Variants in IFI27 observed in about 807,000 individuals in gnomAD.
IFI27 encodes the protein interferon alpha inducible protein 27, also known as interferon alpha-inducible protein 27, mitochondrial.
Under a neutral mutation model 8.9 loss-of-function variants are expected in IFI27, and 3 were observed. The observed-to-expected ratio is 0.34, with a 90% CI of 0.15 to 0.87. The LOEUF is 0.87. Among genes scored for constraint, IFI27 ranks in the 40% least tolerant of loss-of-function variants. The probability of loss-of-function intolerance (pLI) is 0.51; values close to 1 mark genes in which losing one functional copy is unlikely to be tolerated. For synonymous variants in IFI27, 66 were observed against 67.3 expected (o/e 0.98, Z 0.09); for missense variants, 152 against 157.7 (o/e 0.96, Z 0.19).
chr14:94,109,721 G>A (rs558007583), upstream of IFI27, among the ~76,000 whole-genome samples: 5 of 152,224 alleles, frequency 3.3e-5, no homozygotes, highest in Admixed American at 6.5e-5. Flanking sequence ...CTCATCTTGC[G>A]TGAGAGCCCT....
Position 94,116,647 on chromosome 14 carries a change from T to C in IFI27, c.*120T>C. ...ACCTGGGGTGAAATATACCAAATTCTGCATCTCCAGAGGAAAATAAGAAAT... is the reference window on the plus strand; with the variant it reads ...ACCTGGGGTGAAATATACCAAATTCCGCATCTCCAGAGGAAAATAAGAAAT... On this transcript the variant is annotated 3_prime_UTR_variant, in exon 5 of 5. Coordinates refer to ENST00000621160, the Ensembl canonical transcript of IFI27. This position sits in a 1 kb window ranked among gnomAD's most constrained non-coding sequence, Gnocchi z 4.3. 1 of 697,790 alleles carries C rather than the reference T, an allele frequency of 1.4e-6. No homozygotes were observed. The highest frequency in any genetic ancestry group is 2.7e-5 in the East Asian group (1 of 36,928). 43.2% of individuals were successfully genotyped at this position (697,790 alleles called of 1,614,324 possible).
upstream of IFI27, chr14:94,105,895 T>A (rs542166121): frequency 2.0e-5 from 3 of 152,340 alleles, no homozygotes; most frequent in Admixed American, 1.3e-4. Context: ...TCGGCTATTG[T>A]GCATAGTGCT....
In IFI27 at chr14:94,116,563, G is replaced by C; in HGVS notation, c.*36G>C. The C allele has an allele frequency of 1.9e-6, 3 of 1,551,764 alleles. No individual in the cohort carries two copies. Among genetic ancestry groups the C allele is most frequent in the Non-Finnish European group, 2.7e-6 (3 of 1,131,134 alleles). Reference sequence around the variant, plus strand: ...CTCGCCCTGCAGAGAAGAGAACCATGCCAGGGGAGAAGGCACCCAGCCATC... The same window carrying C: ...CTCGCCCTGCAGAGAAGAGAACCATCCCAGGGGAGAAGGCACCCAGCCATC... On this transcript the variant is annotated 3_prime_UTR_variant, in exon 5 of 5. Coordinates refer to ENST00000621160, the Ensembl canonical transcript of IFI27. This position sits in a 1 kb window ranked among gnomAD's most constrained non-coding sequence, Gnocchi z 4.3.
intron 2 of IFI27, chr14:94,114,525 T>G (rs1887314066): frequency 7.8e-6 from 3 of 383,282 alleles, no homozygotes. Flanking sequence ...ATTTTCATTC[T>G]GCTTTTTGTT....
At chr14:94,106,847 A>C (rs1887020997), upstream of IFI27, among the ~76,000 whole-genome samples, 1 of 152,080 alleles carries the variant, frequency 6.6e-6, no homozygotes, top group African/African-American at 2.4e-5. Flanking sequence ...CTGCAGTCAG[A>C]TCTTGCGGGA....
upstream of IFI27, among the ~76,000 whole-genome samples, chr14:94,110,485 C>T (rs558747191): frequency 1.1e-4 from 16 of 152,256 alleles, no homozygotes; most frequent in Middle Eastern, 0.014. Context: ...CTTCATTCTG[C>T]GTAGAGCACA....
chr14:94,115,414 T>C, intron 3 of IFI27: 1 of 555,494 alleles, frequency 1.8e-6, no homozygotes, highest in Non-Finnish European at 3.4e-6. Flanking sequence ...CTGGGCAACA[T>C]CTGCTCCCCT....
chr14:94,112,107 C>T (rs1429753256), intron 2 of IFI27: 2 of 421,992 alleles, frequency 4.7e-6, no homozygotes, highest in Non-Finnish European at 8.8e-6. Context: ...CAGAATTCAT[C>T]TCCTTTAGGA....
chr14:94,114,868 G>A, exon 3 of IFI27: 1 of 1,614,230 alleles, frequency 6.2e-7, no homozygotes, highest in Non-Finnish European at 8.5e-7. Context: ...TGCTACAGTT[G>A]TGATTGGAGG....
chr14:94,105,921 A>G (rs1370030684), upstream of IFI27: 2 of 152,232 alleles, frequency 1.3e-5, no homozygotes, highest in African/African-American at 2.4e-5. Flanking sequence ...GTACGTGGGT[A>G]TGCAAATATC....
chr14:94,109,356 G>GGAAGGGCAGA (rs1419633546), upstream of IFI27, among the ~76,000 whole-genome samples: 45 of 151,328 alleles, frequency 3.0e-4, 1 homozygote, highest in Middle Eastern at 3.4e-3. Context: ...GGAAGGGCAG[G>GGAAGGGCAGA]GAAGGGCAGA....
At chr14:94,108,326 A>G (rs1887039572), upstream of IFI27, among the ~76,000 whole-genome samples, 1 of 152,212 alleles carries the variant, frequency 6.6e-6, no homozygotes, top group Non-Finnish European at 1.5e-5. Flanking sequence ...TATAGTAGCC[A>G]TTCTAACAGG....
chr14:94,116,500 T>G lies in IFI27; in HGVS notation c.342T>G (p.Ile114Met). The G allele has an allele frequency of 6.2e-7, 1 of 1,613,432 alleles. No individual in the cohort carries two copies. Residue 114 changes from isoleucine to methionine, a missense_variant, in exon 5 of 5, where the codon ATT becomes ATG. By Grantham distance (10) the Ile-to-Met change is conservative. Transcript: ENST00000621160. The surrounding 1 kb of genome is among the most constrained non-coding windows in gnomAD (Gnocchi z 4.3). Reference sequence around the variant, plus strand: ...TCCTGGGCTCCATTGGGTCTGCCATTGCGGCTGTCATTGCGAGGTTCTACT... The same window carrying G: ...TCCTGGGCTCCATTGGGTCTGCCATGGCGGCTGTCATTGCGAGGTTCTACT...
exon 1 of IFI27, chr14:94,110,762 G>C (rs1202002900): frequency 6.6e-6 from 1 of 152,354 alleles, no homozygotes; most frequent in Non-Finnish European, 1.5e-5. Context: ...AGACGGTGAG[G>C]TCAGCTTCAC....
At position 94,116,161 on chromosome 14, in the gene IFI27, C is replaced by T. The variant is rs1887401154; in HGVS notation, c.283+219C>T. The T allele has an allele frequency of 1.4e-6, 1 of 726,488 alleles. No individual in the cohort carries two copies. 45.0% of individuals were successfully genotyped at this position (726,488 alleles called of 1,614,324 possible). On this transcript the variant is annotated intron_variant, in intron 4 of 4. Coordinates refer to ENST00000621160, the Ensembl canonical transcript of IFI27. The surrounding 1 kb of genome is among the most constrained non-coding windows in gnomAD (Gnocchi z 4.3). ...GAAGACTCAGCCCGAAGCAGATTTGCTGGGTTACCTGGGGCGTCTCCTCCC... is the reference window on the plus strand; with the variant it reads ...GAAGACTCAGCCCGAAGCAGATTTGTTGGGTTACCTGGGGCGTCTCCTCCC...
chr14:94,111,852 G>A lies in IFI27; in HGVS notation c.91+79G>A. 2 of 1,106,610 alleles carry A rather than the reference G, an allele frequency of 1.8e-6. No individual in the cohort carries two copies. 68.5% of individuals were successfully genotyped at this position (1,106,610 alleles called of 1,614,324 possible). A position where few individuals can be genotyped will look rare whatever the true frequency, so the allele number is the denominator to read the frequency against. On this transcript the variant is annotated intron_variant, in intron 2 of 4. Coordinates refer to ENST00000621160, the Ensembl canonical transcript of IFI27. The surrounding 1 kb of genome is among the most constrained non-coding windows in gnomAD (Gnocchi z 4.3). ...GCGGGGGTCCTGTCCCGGGACCCGT[G>A]GGAGAGAAAATGGGGGACACCCGCA...
upstream of IFI27, among the ~76,000 whole-genome samples, chr14:94,109,207 A>G (rs549063180): frequency 3.3e-5 from 5 of 151,974 alleles, no homozygotes; most frequent in South Asian, 1.0e-3. Context: ...AGGCAGGAGA[A>G]TCACTTGAAT....
At chr14:94,107,579 TAGAAG>T (rs1887032388), upstream of IFI27, among the ~76,000 whole-genome samples, 1 of 152,238 alleles carries the variant, frequency 6.6e-6, no homozygotes, top group Admixed American at 6.5e-5. Context: ...GGATAGATGA[TAGAAG>T]AGATATATAG....
intron 3 of IFI27, chr14:94,115,213 T>C (rs990414104): frequency 1.3e-5 from 8 of 627,780 alleles, no homozygotes; most frequent in African/African-American, 1.8e-5. Flanking sequence ...AAAAGGCTGG[T>C]AATGCCCATT....
Sources: allele counts gnomAD v4.1 joint callset (sites outside exome capture counted in the v4.1 genomes callset), GRCh38; gene constraint gnomAD v4.1.1; non-coding constraint Gnocchi (gnomAD v3.1); transcripts MANE v1.5; gene names NCBI Gene and HGNC (gene_info 2026-07-23, HGNC 2026-07-21).